ZFHX3: variants seen among roughly 807,000 people sequenced by gnomAD.
The protein encoded by ZFHX3 is zinc finger homeobox protein 3.
In ZFHX3, 42 loss-of-function variants were observed where a neutral mutation model predicts 279.1. The ratio of observed to expected loss-of-function variants is 0.15; its 90% CI spans 0.12 to 0.19. The LOEUF is 0.19. Among genes scored for constraint, ZFHX3 ranks in the 10% least tolerant of loss-of-function variants. The pLI, the probability that ZFHX3 is intolerant of heterozygous loss-of-function variation, is 1.00. For missense variants in ZFHX3, 4,981 were observed against 4,754.0 expected (o/e 1.05, Z -1.40); for synonymous variants, 2,293 against 1,957.8 (o/e 1.17, Z -4.52).
At chr16:73,213,169 A>G (rs2012079888) in intron 5 of ZFHX3, among the ~76,000 whole-genome samples, 1 of 152,194 alleles carries the variant, frequency 6.6e-6, no homozygotes, top group African/African-American at 2.4e-5. Context: ...GATCATCTGG[A>G]AAGGCCTGAG....
Position 72,793,670 on chromosome 16 carries a change from G to A in ZFHX3, c.9012C>T (p.Ser3004=), listed in dbSNP as rs2035794211. 6.2e-7 allele frequency: 1 copy of A among 1,613,980 alleles called. No individual in the cohort carries two copies. Among genetic ancestry groups the A allele is most frequent in the African/African-American group, 1.3e-5 (1 of 74,890 alleles). ...CAAAATGCTTGGCCATGCTTAACTTGGACTTCTTTTCTTTTGCCCGGGCAT... is the reference window on the plus strand; with the variant it reads ...CAAAATGCTTGGCCATGCTTAACTTAGACTTCTTTTCTTTTGCCCGGGCAT... ...FQNARAKEKK[S]KLSMAKHFGI... is the part of the protein sequence containing the mutation. The change falls in exon 9 of 10, where the codon TCC becomes TCT. Residue 3004 remains serine, a synonymous_variant. Transcript: ENST00000268489. The surrounding 1 kb of genome is among the most constrained non-coding windows in gnomAD (Gnocchi z 4.3).
intron 3 of ZFHX3, among the ~76,000 whole-genome samples, chr16:72,901,369 G>A (rs1243816282): frequency 1.3e-5 from 2 of 152,152 alleles, no homozygotes; most frequent in Admixed American, 1.3e-4. Flanking sequence ...AAACCCAGAG[G>A]CTCCTCTTGA....
chr16:73,833,535 A>G (rs898928652), intron 1 of ZFHX3, among the ~76,000 whole-genome samples: 16 of 152,006 alleles, frequency 1.1e-4, no homozygotes, highest in Non-Finnish European at 2.2e-4. Context: ...GTTCTCACTC[A>G]TAAGTGGGAG....
chr16:73,583,019 A>G (rs769264320), intron 2 of ZFHX3, among the ~76,000 whole-genome samples: 2 of 152,214 alleles, frequency 1.3e-5, no homozygotes, highest in Non-Finnish European at 1.5e-5. Flanking sequence ...TTTTCTTTGC[A>G]CTAGTCTTAG....
intron 1 of ZFHX3, among the ~76,000 whole-genome samples, chr16:73,818,617 G>T (rs1015390420): frequency 2.0e-5 from 3 of 152,154 alleles, no homozygotes; most frequent in East Asian, 1.9e-4. Flanking sequence ...TCAACCACAG[G>T]TTCTAAAGGA....
chr16:73,867,525 C>T (rs560314438), intron 1 of ZFHX3, among the ~76,000 whole-genome samples: 88 of 152,212 alleles, frequency 5.8e-4, no homozygotes, highest in African/African-American at 2.0e-3. Context: ...GGTTTCTCCC[C>T]GATATTTTAG....
At chr16:73,091,921 A>G (rs1966088439) in intron 8 of ZFHX3, among the ~76,000 whole-genome samples, 1 of 152,192 alleles carries the variant, frequency 6.6e-6, no homozygotes, top group Admixed American at 6.5e-5. Flanking sequence ...ATTCAACAGA[A>G]CATTCAGCAC....
intron 1 of ZFHX3, among the ~76,000 whole-genome samples, chr16:73,867,772 G>A (rs1458560157): frequency 6.6e-6 from 1 of 152,126 alleles, no homozygotes; most frequent in African/African-American, 2.4e-5. Flanking sequence ...ATTAGGTTAG[G>A]CTTGCTGAGA....
At chr16:73,039,838 A>T (rs1349427024) in intron 1 of ZFHX3, among the ~76,000 whole-genome samples, 3 of 152,270 alleles carry the variant, frequency 2.0e-5, no homozygotes, top group South Asian at 2.1e-4. Flanking sequence ...AACCCAAGCA[A>T]ATTTTTAATA....
At chr16:73,195,521 T>A (rs967688863) in intron 5 of ZFHX3, among the ~76,000 whole-genome samples, 2 of 150,272 alleles carry the variant, frequency 1.3e-5, no homozygotes, top group African/African-American at 4.9e-5. Flanking sequence ...TGGGTTCAAG[T>A]GATTCTTCTG....
chr16:73,292,464 G>C (rs2014796818), intron 4 of ZFHX3, among the ~76,000 whole-genome samples: 1 of 152,128 alleles, frequency 6.6e-6, no homozygotes, highest in Non-Finnish European at 1.5e-5. Context: ...TTATTTTATA[G>C]AAATGCCAGG....
intron 2 of ZFHX3, among the ~76,000 whole-genome samples, chr16:73,557,384 C>A (rs946174990): frequency 1.3e-5 from 2 of 152,068 alleles, no homozygotes; most frequent in East Asian, 1.9e-4. Context: ...GGATCTCACA[C>A]AAGAAAGAAT....
At chr16:73,117,170 T>C (rs1966442636) in intron 7 of ZFHX3, among the ~76,000 whole-genome samples, 2 of 152,224 alleles carry the variant, frequency 1.3e-5, no homozygotes, top group African/African-American at 4.8e-5. Context: ...TGTTTTTTCT[T>C]TTCTTTTTCC....
At chr16:73,808,465 G>C (rs1378003958) in intron 1 of ZFHX3, 1 of 152,152 alleles carries the variant, frequency 6.6e-6, no homozygotes, top group East Asian at 1.9e-4. Flanking sequence ...TCTACTTTTT[G>C]TTTCAGGTAT....
intron 4 of ZFHX3, among the ~76,000 whole-genome samples, chr16:73,281,648 A>G (rs567222067): frequency 9.8e-5 from 15 of 152,306 alleles, no homozygotes; most frequent in African/African-American, 3.6e-4. Flanking sequence ...CAGTCATAAT[A>G]AAGGGCATGG....
rs369122588 is a variant in ZFHX3 at position 72,959,222 on chromosome 16, G to T, written c.924C>A (p.Thr308=). 1 of 1,614,164 alleles carries T rather than the reference G, an allele frequency of 6.2e-7. No homozygotes were observed. Residue 308 remains threonine, a synonymous_variant, in exon 2 of 10, where the codon ACC becomes ACA. Transcript: ENST00000268489. ...GAATTTTCCGCTCGTCTTCGCTCAG[G>T]GTCATTCGATGGTCATGCACCGCGT... The part of the protein sequence containing the change: ...VTHAVHDHRM[T]LSEDERKILS...
chr16:73,682,605 G>A (rs2053022261), intron 1 of ZFHX3, among the ~76,000 whole-genome samples: 4 of 151,940 alleles, frequency 2.6e-5, no homozygotes, highest in Admixed American at 2.0e-4. Context: ...GGCCAACATG[G>A]TGAAACCCCG....
At chr16:73,624,443 G>A (rs563814531) in intron 2 of ZFHX3, among the ~76,000 whole-genome samples, 2 of 145,194 alleles carry the variant, frequency 1.4e-5, no homozygotes, top group African/African-American at 2.4e-5. Flanking sequence ...CTGCTGAATG[G>A]AACAACCTGA....
At chr16:73,259,374 C>T (rs1033786534) in intron 4 of ZFHX3, among the ~76,000 whole-genome samples, 31 of 152,310 alleles carry the variant, frequency 2.0e-4, no homozygotes, top group African/African-American at 7.0e-4. Context: ...ATAATGTTTG[C>T]CAGTCTGATT....
Sources: gnomAD v4.1 joint callset for allele counts (sites outside exome capture counted in the v4.1 genomes callset) on GRCh38, gnomAD v4.1.1 for gene constraint, Gnocchi (gnomAD v3.1) non-coding constraint, MANE v1.5 for transcripts, NCBI Gene and HGNC (gene_info 2026-07-23, HGNC 2026-07-21) for gene names.